Variants in ARHGAP4 observed in about 807,000 individuals in gnomAD.
The protein encoded by ARHGAP4 is rho GTPase-activating protein 4.
In ARHGAP4, 25 loss-of-function variants were observed where a neutral mutation model predicts 67.6. The observed-to-expected ratio is 0.37, with a 90% CI of 0.27 to 0.52. The LOEUF (loss-of-function observed/expected upper bound fraction) is 0.52. Among genes scored for constraint, ARHGAP4 ranks in the 20% least tolerant of loss-of-function variants. ARHGAP4 has a pLI of 0.92. For synonymous variants in ARHGAP4, 448 were observed against 373.7 expected (o/e 1.20, Z -2.29); for missense variants, 804 against 854.6 (o/e 0.94, Z 0.74).
Position 153,918,850 on chromosome X carries a change from G to C in ARHGAP4, c.1014C>G (p.His338Gln). 1 of 1,212,201 alleles carries C rather than the reference G, an allele frequency of 8.2e-7. No individual in the cohort carries two copies. The highest frequency in any genetic ancestry group is 1.7e-5 in the African/African-American group (1 of 58,014). ...VFCPPLRFDYHPHDGDEVAEI... is the reference protein window; with the variant it reads ...VFCPPLRFDYQPHDGDEVAEI... ...CCCTCACCTCATCCCCATCATGGGG[G>C]TGGTAGTCAAAGCGCAGCGGGGGAC... The change falls in exon 7 of 22, where the codon CAC becomes CAG. Residue 338 changes from histidine (H) to glutamine (Q), a missense_variant. By Grantham distance (24) the His-to-Gln change is conservative. Around this residue, in one of 2 missense-constraint regions of ARHGAP4, gnomAD observed 404 missense variants for 505.9 expected, o/e 0.80. Transcript: ENST00000350060.
intron 1 of ARHGAP4, 99 bp downstream of exon 1, chrX:153,926,037 G>C: frequency 1.8e-6 from 2 of 1,091,442 alleles, no homozygotes; most frequent in Admixed American, 2.7e-5. Context: ...TCGCTGGGGA[G>C]AGCATCGGGC....
At chrX:153,922,294 G>A (rs1416050142) in intron 1 of ARHGAP4, 80 of 762,452 alleles carry the variant, frequency 1.0e-4, no homozygotes, top group Non-Finnish European at 1.2e-4. Flanking sequence ...AGCCTGCAGC[G>A]ATCTCGCAGT....
At chrX:153,911,224 C>G (rs1208548234) in intron 12 of ARHGAP4, 35 bp from the exon 13 acceptor site, 1 of 839,279 alleles carries the variant, frequency 1.2e-6, no homozygotes, top group African/African-American at 2.1e-5. Context: ...ACCATGGACA[C>G]AGCATGCCCT....
chrX:153,916,138 C>T (rs1216347527), intron 7 of ARHGAP4, among the ~76,000 whole-genome samples: 2 of 112,831 alleles, frequency 1.8e-5, no homozygotes, highest in Non-Finnish European at 3.8e-5. Context: ...GAACTTCTTC[C>T]GAGCCACAAA....
At position 153,921,616 on chromosome X, in the gene ARHGAP4, G is replaced by A; in HGVS notation, c.261C>T (p.His87=). Residue 87 remains histidine (H), a synonymous_variant, in exon 2 of 22, where the codon CAC becomes CAT. Transcript: ENST00000350060. ...AGCACATCACCTACCGGAAGCTTTG[G>A]TGCTCCCGGCTGCTCCCCAGGCGGC... ...RGGRLGSSRE[H]QSFRKEPSLL... is the part of the protein sequence containing the mutation. 7 of 1,209,439 alleles carry A rather than the reference G, an allele frequency of 5.8e-6. No homozygotes were observed. The highest frequency in any genetic ancestry group is 7.8e-6 in the Non-Finnish European group (7 of 894,680).
intron 7 of ARHGAP4, among the ~76,000 whole-genome samples, chrX:153,916,708 G>C (rs2065057718): frequency 8.8e-6 from 1 of 113,240 alleles, no homozygotes; most frequent in Non-Finnish European, 1.9e-5. Context: ...TTGCTCTCTG[G>C]AAAGGATATA....
chrX:153,923,174 C>T (rs377657978), intron 1 of ARHGAP4, among the ~76,000 whole-genome samples: 23 of 110,727 alleles, frequency 2.1e-4, no homozygotes, highest in African/African-American at 7.5e-4. Flanking sequence ...GTTTTCAGGG[C>T]CCCCTCACAC....
At chrX:153,913,713 C>T (rs1054867899) in intron 8 of ARHGAP4, 65 bp downstream of exon 8, 45 of 1,175,201 alleles carry the variant, frequency 3.8e-5, no homozygotes, top group Non-Finnish European at 5.1e-5. Context: ...GCAGCCACTT[C>T]CAACAGCAGG....
intron 1 of ARHGAP4, 126 bp downstream of exon 1, chrX:153,926,010 C>T: frequency 1.0e-6 from 1 of 980,595 alleles, no homozygotes; most frequent in Non-Finnish European, 1.4e-6. Context: ...CTCCCTCCTC[C>T]ACCCCCGCTC....
At position 153,909,829 on chromosome X, in the gene ARHGAP4, G is replaced by A. The variant is rs782333887; in HGVS notation, c.2326C>T (p.His776Tyr). The A allele has an allele frequency of 3.3e-6, 4 of 1,202,077 alleles. No individual in the cohort carries two copies. The highest frequency in any genetic ancestry group is 2.2e-5 in the Admixed American group (1 of 44,982). The change falls in exon 19 of 22, where the codon CAC (histidine) becomes TAC (tyrosine). Residue 776 changes from histidine to tyrosine, a missense_variant. By Grantham distance (83) the His-to-Tyr change is moderately conservative (BLOSUM62 2). Transcript: ENST00000350060. ...CACCAGTCGCTCGAGGCCCTCTCGTGCAGCCGCAGTACGTCCCCCCGCCGG... is the reference window on the plus strand; with the variant it reads ...CACCAGTCGCTCGAGGCCCTCTCGTACAGCCGCAGTACGTCCCCCCGCCGG... ...SFRRGDVLRL[H>Y]ERASSDWWRG... is the part of the protein sequence containing the mutation.
rs781995523 is a variant in ARHGAP4, at chrX:153,910,560, C to A, written c.1868G>T (p.Arg623Leu). 8 of 1,208,711 alleles carry A rather than the reference C, an allele frequency of 6.6e-6. No homozygotes were observed. Among genetic ancestry groups the A allele is most frequent in the Non-Finnish European group, 6.7e-6 (6 of 894,972 alleles). ...AACCACCAGCACCGGCGCGGGCAGCCGCCACAGCAGGCGGCTCACGTGCTC... is the reference window on the plus strand; with the variant it reads ...AACCACCAGCACCGGCGCGGGCAGCAGCCACAGCAGGCGGCTCACGTGCTC... ...RVEHVSRLLW[R>L]LPAPVLVVLR... Residue 623 changes from arginine (R) to leucine (L), a missense_variant, in exon 16 of 22, where the codon CGG becomes CTG. Physicochemically the swap from Arg to Leu is moderately radical, Grantham distance 102 (BLOSUM62 -2). Around this residue, in one of 2 missense-constraint regions of ARHGAP4, gnomAD observed 400 missense variants for 348.7 expected, o/e 1.15. Transcript: ENST00000350060.
intron 12 of ARHGAP4, among the ~76,000 whole-genome samples, chrX:153,911,584 T>G (rs1483426196): frequency 1.8e-5 from 2 of 112,112 alleles, no homozygotes; most frequent in Non-Finnish European, 3.8e-5. Flanking sequence ...CAAATGCAAT[T>G]GAATTCTGTA....
At chrX:153,925,732 A>C (rs1421531225) in intron 1 of ARHGAP4, among the ~76,000 whole-genome samples, 1 of 111,810 alleles carries the variant, frequency 8.9e-6, no homozygotes, top group Admixed American at 9.5e-5. Flanking sequence ...GATCTCCACC[A>C]ATCCACTCAC....
chrX:153,924,235 G>A (rs1290796745), intron 1 of ARHGAP4, among the ~76,000 whole-genome samples: 1 of 111,968 alleles, frequency 8.9e-6, no homozygotes, highest in African/African-American at 3.3e-5. Flanking sequence ...AGTGCAGAAG[G>A]AACCAGCAGA....
intron 12 of ARHGAP4, 44 bp from the exon 13 acceptor site, chrX:153,911,233 C>CTG: frequency 1.1e-6 from 1 of 928,815 alleles, no homozygotes; most frequent in Non-Finnish European, 1.5e-6. Context: ...ACAGCATGCC[C>CTG]TGTGTTGTCA....
At position 153,909,852 on chromosome X, in the gene ARHGAP4, C is replaced by G. The variant is rs3213439; in HGVS notation, c.2303G>C (p.Arg768Pro). ...GTGCAGCCGCAGTACGTCCCCCCGC[C>G]GGAAGCTCAGCTCCTGGGCTGTGCG... The part of the protein sequence containing the change: ...TGRTAQELSF[R>P]RGDVLRLHER... Residue 768 changes from arginine to proline, a missense_variant, in exon 19 of 22, where the codon CGG becomes CCG. Physicochemically the swap from Arg to Pro is moderately radical, Grantham distance 103. Around this residue, in one of 2 missense-constraint regions of ARHGAP4, gnomAD observed 400 missense variants for 348.7 expected, o/e 1.15. Transcript: ENST00000350060. 7 of 1,203,568 alleles carry G rather than the reference C, an allele frequency of 5.8e-6. No individual in the cohort carries two copies. The highest frequency in any genetic ancestry group is 7.8e-6 in the Non-Finnish European group (7 of 892,038).
chrX:153,914,498 C>G (rs1316529354), intron 7 of ARHGAP4, among the ~76,000 whole-genome samples: 4 of 111,685 alleles, frequency 3.6e-5, no homozygotes, highest in Non-Finnish European at 7.5e-5. Flanking sequence ...GAGTTGGAGA[C>G]CAGCCTGGCC....
chrX:153,911,842 G>A (rs2065023083), intron 12 of ARHGAP4, among the ~76,000 whole-genome samples: 1 of 110,263 alleles, frequency 9.1e-6, no homozygotes, highest in Admixed American at 9.6e-5. Flanking sequence ...GGTGGGAGGT[G>A]AAGGTTGCAG....
intron 21 of ARHGAP4, among the ~76,000 whole-genome samples, chrX:153,908,615 AC>A (rs1315248101): frequency 9.0e-5 from 4 of 44,689 alleles, no homozygotes; most frequent in African/African-American, 1.8e-4. Context: ...CCAACCAGCC[AC>A]CCCCTCCTGC....
Sources: allele counts gnomAD v4.1 joint callset (sites outside exome capture counted in the v4.1 genomes callset), GRCh38; gene constraint gnomAD v4.1.1; regional missense constraint gnomAD v4.1.1; transcripts MANE v1.5; gene names NCBI Gene and HGNC (gene_info 2026-07-23, HGNC 2026-07-21).